Variants in SLC12A6 observed in about 807,000 individuals in gnomAD.
SLC12A6 encodes solute carrier family 12 member 6, also known as K-Cl cotransporter 3.
A neutral mutation model predicts 135.3 loss-of-function variants in SLC12A6; 66 were observed. The ratio of observed to expected loss-of-function variants is 0.49; its 90% CI spans 0.40 to 0.60. The LOEUF (loss-of-function observed/expected upper bound fraction) is 0.60, where lower values mean the gene tolerates loss of function less well. Among genes scored for constraint, SLC12A6 ranks in the 20% least tolerant of loss-of-function variants. SLC12A6 has a pLI of 0.00. For missense variants in SLC12A6, 1,058 were observed against 1,452.3 expected, an observed-to-expected ratio of 0.73 and a Z score of 4.41; for synonymous variants, 513 against 508.8, an observed-to-expected ratio of 1.01 and a Z score of -0.11.
chr15:34,248,777 C>T (rs1203856152), intron 13 of SLC12A6, among the ~76,000 whole-genome samples: 1 of 152,074 alleles, frequency 6.6e-6, no homozygotes, highest in Non-Finnish European at 1.5e-5. Flanking sequence ...AGTTGCTGAA[C>T]ACAAGGTGGA....
At position 34,240,700 on chromosome 15, in the gene SLC12A6, G is replaced by C; in HGVS notation, c.2397C>G (p.Asn799Lys). 6.2e-7 allele frequency: 1 copy of C among 1,614,072 alleles called. No homozygotes were observed. The highest frequency in any genetic ancestry group is 1.1e-5 in the South Asian group (1 of 91,082). Residue 799 changes from asparagine to lysine, a missense_variant, in exon 19 of 26, where the codon AAC (asparagine) becomes AAG (lysine). By Grantham distance (94) the Asn-to-Lys change is moderately conservative (BLOSUM62 0). Coordinates refer to ENST00000354181, the MANE Select transcript of SLC12A6 (RefSeq NM_001365088.1). ...LTIVGSVIVG[N>K]FLENYGEALA... ...AAGCTTCACCGTAGTTCTCTAGGAA[G>C]TTCCCCACGATGACAGAGCCCACAA...
At chr15:34,304,584 G>C (rs1336959597) in intron 2 of SLC12A6, among the ~76,000 whole-genome samples, 1 of 152,182 alleles carries the variant, frequency 6.6e-6, no homozygotes, top group Non-Finnish European at 1.5e-5. Context: ...ATCCCAGTGA[G>C]TGTGAAAAAA....
chr15:34,334,078 A>C (rs1005336410), intron 2 of SLC12A6, among the ~76,000 whole-genome samples: 5 of 151,914 alleles, frequency 3.3e-5, no homozygotes, highest in Admixed American at 1.3e-4. Context: ...CTCAAAAAAA[A>C]AAAAAACAAA....
At chr15:34,329,115 G>A (rs1456031225) in intron 2 of SLC12A6, among the ~76,000 whole-genome samples, 2 of 152,170 alleles carry the variant, frequency 1.3e-5, no homozygotes, top group Admixed American at 6.5e-5. Context: ...TTAAACTCAT[G>A]TAACTTCATT....
intron 2 of SLC12A6, among the ~76,000 whole-genome samples, chr15:34,281,354 G>C (rs1197147282): frequency 6.6e-6 from 1 of 152,054 alleles, no homozygotes; most frequent in Non-Finnish European, 1.5e-5. Context: ...CTGTCTATAT[G>C]GGTAGGATCT....
At chr15:34,248,964 A>G (rs1280369125) in intron 13 of SLC12A6, among the ~76,000 whole-genome samples, 1 of 152,198 alleles carries the variant, frequency 6.6e-6, no homozygotes, top group Non-Finnish European at 1.5e-5. Flanking sequence ...ATTAAACTCT[A>G]AGTTAGGGAG....
intron 2 of SLC12A6, among the ~76,000 whole-genome samples, chr15:34,323,197 ATG>A (rs1566871381): frequency 6.6e-6 from 1 of 152,126 alleles, no homozygotes; most frequent in African/African-American, 2.4e-5. Flanking sequence ...GACAAATAAA[ATG>A]GGCAAAAGAT....
intron 3 of SLC12A6, among the ~76,000 whole-genome samples, chr15:34,266,866 C>T (rs1893559246): frequency 6.6e-6 from 1 of 152,204 alleles, no homozygotes; most frequent in African/African-American, 2.4e-5. Context: ...TTTTAAAAGT[C>T]TGACAATCTG....
At chr15:34,307,899 T>G (rs1887845254) in intron 2 of SLC12A6, among the ~76,000 whole-genome samples, 1 of 152,180 alleles carries the variant, frequency 6.6e-6, no homozygotes, top group Admixed American at 6.5e-5. Context: ...AAAGGTTACA[T>G]GTTGATGGAA....
At chr15:34,335,235 A>G (rs768117983) in intron 2 of SLC12A6, among the ~76,000 whole-genome samples, 2 of 152,230 alleles carry the variant, frequency 1.3e-5, no homozygotes, top group Non-Finnish European at 2.9e-5. Context: ...GTCTCCATAA[A>G]AGAAAAAATG....
chr15:34,237,537 C>T lies in SLC12A6; in HGVS notation c.2816G>A (p.Cys939Tyr). ...GGCTACTGTGAAGATCCGTATGCTG[C>T]ACTTTCGCCACACCTGAGAGAGTGA... The part of the protein sequence containing the change: ...LLKQHKVWRK[C>Y]SIRIFTVAQL... Residue 939 changes from cysteine (C) to tyrosine (Y), a missense_variant, in exon 22 of 26, where the codon TGC (cysteine) becomes TAC (tyrosine). Around this residue, in one of 6 missense-constraint regions of SLC12A6, gnomAD observed 245 missense variants for 440.8 expected, o/e 0.56. Transcript: ENST00000354181. 6.2e-7 allele frequency: 1 copy of T among 1,612,308 alleles called. No individual in the cohort carries two copies. Among genetic ancestry groups the T allele is most frequent in the Non-Finnish European group, 8.5e-7 (1 of 1,178,712 alleles).
At chr15:34,308,164 T>C (rs1213668764) in intron 2 of SLC12A6, among the ~76,000 whole-genome samples, 1 of 152,220 alleles carries the variant, frequency 6.6e-6, no homozygotes, top group African/African-American at 2.4e-5. Flanking sequence ...ACTTGCTCCA[T>C]ATGCCCATTT....
rs1191312277 is a variant in SLC12A6, at chr15:34,250,332, C to T, written c.1615G>A (p.Gly539Ser). 2 of 1,593,834 alleles carry T rather than the reference C, an allele frequency of 1.3e-6. No individual in the cohort carries two copies. Among genetic ancestry groups the T allele is most frequent in the Non-Finnish European group, 1.7e-6 (2 of 1,161,612 alleles). ...FVYLSNVVLF[G>S]ACIEGVVLRD... ...AGAACAACCCCTTCAATACATGCAC[C>T]AAAAAGGACAACATTGCTTAAATCT... Residue 539 changes from glycine to serine, a missense_variant, in exon 13 of 26, where the codon GGT (glycine) becomes AGT (serine). By Grantham distance (56) the Gly-to-Ser change is moderately conservative. This residue lies in a region of SLC12A6 where 297 missense variants were observed against 318.5 expected (regional missense o/e 0.93). Transcript: ENST00000354181.
chr15:34,238,884 T>C (rs1449931402), intron 20 of SLC12A6, 81 bp downstream of exon 20: 1 of 1,233,108 alleles, frequency 8.1e-7, no homozygotes, highest in East Asian at 2.3e-5. Context: ...TAGTCTCTAC[T>C]TTAGGAGGCT....
At chr15:34,265,967 G>A (rs551094459) in intron 3 of SLC12A6, among the ~76,000 whole-genome samples, 1 of 147,618 alleles carries the variant, frequency 6.8e-6, no homozygotes, top group African/African-American at 2.5e-5. Context: ...ATGTGAGAGT[G>A]TGCTAATAGT....
chr15:34,313,664 G>A (rs1386715366), intron 2 of SLC12A6, among the ~76,000 whole-genome samples: 1 of 152,168 alleles, frequency 6.6e-6, no homozygotes. Flanking sequence ...GGAAGAAGAT[G>A]CCATCTAGGA....
At position 34,244,020 on chromosome 15, in the gene SLC12A6, A is replaced by G; in HGVS notation, c.1996T>C (p.Leu666=). The change falls in exon 16 of 26, where the codon TTA becomes CTA. Residue 666 remains leucine (L), a synonymous_variant. Transcript: ENST00000354181. The stretch of plus-strand genomic sequence containing the variant: ...GGTCTCCAGTTGGGTGTTCGAAGTA[A>G]TGTTTGCAAGGCACATGCCAAGTTT... ...FVNLACALQT[L]LRTPNWRPRF... The G allele has an allele frequency of 1.2e-6, 2 of 1,610,808 alleles. No homozygotes were observed. The highest frequency in any genetic ancestry group is 1.3e-5 in the African/African-American group (1 of 75,010).
rs1055117164 is a variant in SLC12A6, at chr15:34,251,029, C to T, written c.1362G>A (p.Lys454=). ...TENLWSNYLP[K]GEIIEKPSAK... is the part of the protein sequence containing the mutation. Reference sequence around the variant, plus strand: ...CTGAAGGCTTTTCGATGATCTCTCCCTTGGGTAGGTAATTACTCCAAAGAT... The same window carrying T: ...CTGAAGGCTTTTCGATGATCTCTCCTTTGGGTAGGTAATTACTCCAAAGAT... The change falls in exon 11 of 26, where the codon AAG becomes AAA. Residue 454 remains lysine, a synonymous_variant. Coordinates refer to ENST00000354181, the MANE Select transcript of SLC12A6 (RefSeq NM_001365088.1). 11 of 1,611,238 alleles carry T rather than the reference C, an allele frequency of 6.8e-6. No individual in the cohort carries two copies. Among genetic ancestry groups the T allele is most frequent in the Non-Finnish European group, 9.3e-6 (11 of 1,177,668 alleles).
rs560741287 is a variant in SLC12A6 at position 34,263,291 on chromosome 15, T to G, written c.317-2271A>C. On this transcript the variant is annotated intron_variant, in intron 3 of 25. Coordinates refer to ENST00000354181, the MANE Select transcript of SLC12A6 (RefSeq NM_001365088.1). Reference sequence around the variant, plus strand: ...AAAATTAGCAGGGCATGGTGGTGCATGCTTATAGTTCTAGCTATTCAGGCA... The same window carrying G: ...AAAATTAGCAGGGCATGGTGGTGCAGGCTTATAGTTCTAGCTATTCAGGCA... Among the ~76,000 whole-genome samples the G allele has an allele frequency of 7.2e-5, 11 of 152,212 alleles. No homozygotes were observed. The East Asian group carries it at 1.9e-3, about 27-fold the overall frequency.
Sources: gnomAD v4.1 joint callset for allele counts (sites outside exome capture counted in the v4.1 genomes callset) on GRCh38, gnomAD v4.1.1 for gene constraint, gnomAD v4.1.1 regional missense constraint, MANE v1.5 for transcripts, NCBI Gene and HGNC (gene_info 2026-07-23, HGNC 2026-07-21) for gene names.